The following SLC35F3 variants were observed in gnomAD, a reference collection of about 807,000 sequenced individuals.
SLC35F3 encodes the protein putative thiamine transporter SLC35F3.
Under a neutral mutation model 49.9 loss-of-function variants are expected in SLC35F3, and 25 were observed. The observed-to-expected ratio is 0.50, with a 90% CI of 0.37 to 0.70. The LOEUF (loss-of-function observed/expected upper bound fraction) is 0.70, where lower values mean the gene tolerates loss of function less well. SLC35F3 is among the 30% of genes least tolerant of loss of function. The pLI, the probability that SLC35F3 is intolerant of heterozygous loss-of-function variation, is 0.00. For synonymous variants in SLC35F3, 275 were observed against 265.4 expected, an observed-to-expected ratio of 1.04 and a Z score of -0.35; for missense variants, 525 against 639.8, an observed-to-expected ratio of 0.82 and a Z score of 1.94.
At chr1:233,947,890 A>G (rs1049463422) in intron 2 of SLC35F3, among the ~76,000 whole-genome samples, 9 of 149,750 alleles carry the variant, frequency 6.0e-5, no homozygotes, top group Non-Finnish European at 3.0e-5. Flanking sequence ...CTCCAGCCCC[A>G]TCTTTGATCC....
At chr1:234,081,271 A>C (rs911738849) in intron 2 of SLC35F3, among the ~76,000 whole-genome samples, 1 of 152,246 alleles carries the variant, frequency 6.6e-6, no homozygotes, top group African/African-American at 2.4e-5. Context: ...CATAGATCTA[A>C]TGCCATACAA....
intron 2 of SLC35F3, among the ~76,000 whole-genome samples, chr1:234,067,150 A>C (rs1254013503): frequency 1.3e-5 from 2 of 149,320 alleles, no homozygotes; most frequent in Non-Finnish European, 3.0e-5. Flanking sequence ...TTGCAGAGGC[A>C]ATTGTGATTT....
At chr1:234,202,570 T>A (rs1666914941) in intron 2 of SLC35F3, among the ~76,000 whole-genome samples, 1 of 152,204 alleles carries the variant, frequency 6.6e-6, no homozygotes, top group Admixed American at 6.5e-5. Context: ...CTGAAAGGGA[T>A]GAAAGCAATG....
intron 2 of SLC35F3, among the ~76,000 whole-genome samples, chr1:234,218,075 C>G (rs1395908785): frequency 6.6e-6 from 1 of 152,210 alleles, no homozygotes; most frequent in Non-Finnish European, 1.5e-5. Flanking sequence ...AAAGTGTGTT[C>G]TGGCGAGATT....
intron 2 of SLC35F3, among the ~76,000 whole-genome samples, chr1:234,019,258 A>C (rs1053838423): frequency 5.3e-5 from 8 of 152,178 alleles, no homozygotes; most frequent in Non-Finnish European, 1.2e-4. Flanking sequence ...CTTGAGTTGC[A>C]GGCTGGAAGG....
At chr1:234,004,953 C>T (rs1663607609) in intron 2 of SLC35F3, among the ~76,000 whole-genome samples, 1 of 151,950 alleles carries the variant, frequency 6.6e-6, no homozygotes, top group African/African-American at 2.4e-5. Flanking sequence ...AAGCAATAAT[C>T]TTTAGATAAA....
At chr1:234,010,591 G>A (rs1663702591) in intron 2 of SLC35F3, among the ~76,000 whole-genome samples, 1 of 152,128 alleles carries the variant, frequency 6.6e-6, no homozygotes, top group Admixed American at 6.5e-5. Flanking sequence ...TCAACTTTAT[G>A]CTGCCTATAA....
intron 3 of SLC35F3, among the ~76,000 whole-genome samples, chr1:234,277,261 A>C (rs12038723): frequency 0.06 from 9,191 of 152,216 alleles, 333 homozygotes; most frequent in African/African-American, 0.098. Flanking sequence ...GGATGAAGGT[A>C]ATGGGGAGAG....
intron 2 of SLC35F3, among the ~76,000 whole-genome samples, chr1:234,050,299 G>A (rs539883527): frequency 6.6e-6 from 1 of 152,338 alleles, no homozygotes; most frequent in Admixed American, 6.5e-5. Flanking sequence ...TCCAGCACCT[G>A]TTGTTTCCTG....
chr1:234,031,814 C>T (rs973132092), intron 2 of SLC35F3, among the ~76,000 whole-genome samples: 7 of 152,186 alleles, frequency 4.6e-5, no homozygotes, highest in African/African-American at 4.8e-5. Context: ...TATTCAGGTG[C>T]GTTTCTTAAC....
chr1:234,120,552 T>G (rs1211999390), intron 2 of SLC35F3, among the ~76,000 whole-genome samples: 1 of 152,216 alleles, frequency 6.6e-6, no homozygotes, highest in Non-Finnish European at 1.5e-5. Flanking sequence ...GGCACAAAGC[T>G]GTTGTTGCCA....
chr1:233,912,151 C>T (rs961098231), intron 2 of SLC35F3, among the ~76,000 whole-genome samples: 1 of 152,106 alleles, frequency 6.6e-6, no homozygotes, highest in Admixed American at 6.6e-5. Flanking sequence ...ATTCACATCC[C>T]AGCTTCATAG....
At chr1:234,185,464 A>T (rs1011599652) in intron 2 of SLC35F3, among the ~76,000 whole-genome samples, 2 of 152,226 alleles carry the variant, frequency 1.3e-5, no homozygotes, top group Non-Finnish European at 1.5e-5. Flanking sequence ...AAGTTAGGCC[A>T]TTCCAAAAGG....
At chr1:234,073,857 T>G (rs1467613476) in intron 2 of SLC35F3, among the ~76,000 whole-genome samples, 1 of 152,184 alleles carries the variant, frequency 6.6e-6, no homozygotes, top group Admixed American at 6.5e-5. Flanking sequence ...TTTTTTATTA[T>G]TAAATGTGGT....
intron 3 of SLC35F3, among the ~76,000 whole-genome samples, chr1:234,308,304 AGG>A (rs1194278924): frequency 1.3e-5 from 2 of 152,174 alleles, no homozygotes; most frequent in Non-Finnish European, 2.9e-5. Context: ...ATTCCAACTG[AGG>A]GCAACATTTT....
At chr1:233,916,368 A>G (rs1661972264) in intron 2 of SLC35F3, among the ~76,000 whole-genome samples, 1 of 152,176 alleles carries the variant, frequency 6.6e-6, no homozygotes, top group Non-Finnish European at 1.5e-5. Flanking sequence ...CCTGGGCTCA[A>G]GCAATCCTCC....
intron 2 of SLC35F3, among the ~76,000 whole-genome samples, chr1:234,081,904 A>ATTTTTTTTTTTTTTTTTTTTTTTTTTTTT (rs781469880): frequency 7.6e-5 from 3 of 39,232 alleles, no homozygotes; most frequent in African/African-American, 1.3e-4. Flanking sequence ...TGCCTGGCTA[A>ATTTTTTTTTTTTTTTTTTTTTTTTTTTTT]TTTTTTTTTT....
chr1:234,242,043 A>G (rs1165347250), intron 3 of SLC35F3, among the ~76,000 whole-genome samples: 4 of 152,242 alleles, frequency 2.6e-5, no homozygotes, highest in Admixed American at 1.3e-4. Flanking sequence ...ATTTTGTGAT[A>G]TCACATTCCA....
rs74145769 is a variant in SLC35F3, at chr1:233,994,377, G to A, written c.283+88619G>A. ...AGACCTCATAAGAGTGCATAGGGTA[G>A]GAATTTATACTCAGGTTGCTACAAC... On this transcript the variant is annotated intron_variant, in intron 2 of 7. Transcript: ENST00000366618. Among the ~76,000 whole-genome samples the A allele has an allele frequency of 4.9e-3, 743 of 152,324 alleles. 5 individuals carry two copies. Among genetic ancestry groups the A allele is most frequent in the African/African-American group, 0.017 (722 of 41,574 alleles).
Sources: gnomAD v4.1 joint callset for allele counts (sites outside exome capture counted in the v4.1 genomes callset) on GRCh38, gnomAD v4.1.1 for gene constraint, MANE v1.5 for transcripts, NCBI Gene and HGNC (gene_info 2026-07-23, HGNC 2026-07-21) for gene names.